Variants in TMEM266 observed in about 807,000 individuals in gnomAD.
TMEM266 encodes the protein Hv1 related protein 1.
A neutral mutation model predicts 50.5 loss-of-function variants in TMEM266; 33 were observed. The ratio of observed to expected loss-of-function variants is 0.65; its 90% confidence interval spans 0.50 to 0.87. The LOEUF (loss-of-function observed/expected upper bound fraction) is 0.87. TMEM266 is among the 40% of genes least tolerant of loss of function. TMEM266 has a pLI of 0.00. For missense variants in TMEM266, 655 were observed against 695.1 expected (o/e 0.94, Z 0.65); for synonymous variants, 310 against 292.3 (o/e 1.06, Z -0.62).
intron 3 of TMEM266, among the ~76,000 whole-genome samples, chr15:76,151,383 T>C (rs1169780803): frequency 6.6e-6 from 1 of 152,188 alleles, no homozygotes; most frequent in Non-Finnish European, 1.5e-5. Context: ...TGAAATTTTA[T>C]TGGCAGCTTG....
chr15:76,070,007 T>G (rs2036512818), intron 1 of TMEM266, among the ~76,000 whole-genome samples: 2 of 152,346 alleles, frequency 1.3e-5, no homozygotes, highest in Admixed American at 6.5e-5. Context: ...ATGCAACGTT[T>G]ATTGCATTTA....
chr15:76,073,931 C>G (rs768647786), intron 1 of TMEM266, among the ~76,000 whole-genome samples: 3 of 151,112 alleles, frequency 2.0e-5, no homozygotes, highest in Non-Finnish European at 4.4e-5. Flanking sequence ...TGAAATTGAC[C>G]ACACTCAATG....
chr15:76,137,847 C>T lies in TMEM266; in HGVS notation c.179C>T (p.Ala60Val), dbSNP rs200729077. Reference sequence around the variant, plus strand: ...CTGGCTGCTGTCGATCTCTCCACGGCGGGCTCGCAGCTCCTGTCAAATCTG... The same window carrying T: ...CTGGCTGCTGTCGATCTCTCCACGGTGGGCTCGCAGCTCCTGTCAAATCTG... The change falls in exon 3 of 11, where the codon GCG (alanine) becomes GTG (valine). Residue 60 changes from alanine to valine, a missense_variant. Around this residue, in one of 3 missense-constraint regions of TMEM266, gnomAD observed 99 missense variants for 110.8 expected, o/e 0.89. Transcript: ENST00000388942. 1,449 of 1,606,370 alleles carry T rather than the reference C, an allele frequency of 9.0e-4. 1 individual carries two copies. The highest frequency in any genetic ancestry group is 1.1e-3 in the Non-Finnish European group (1,327 of 1,176,384).
At chr15:76,112,003 C>G (rs2037178119) in intron 1 of TMEM266, 1 of 152,202 alleles carries the variant, frequency 6.6e-6, no homozygotes, top group Admixed American at 6.5e-5. Flanking sequence ...TTAAATGCCT[C>G]TTTTTCATTT....
At chr15:76,112,310 A>C (rs906556124) in intron 1 of TMEM266, among the ~76,000 whole-genome samples, 1 of 152,240 alleles carries the variant, frequency 6.6e-6, no homozygotes, top group African/African-American at 2.4e-5. Context: ...ATTAATAACA[A>C]TGTATCAATA....
chr15:76,195,131 AC>A (rs1338235982), intron 9 of TMEM266, among the ~76,000 whole-genome samples: 2 of 150,920 alleles, frequency 1.3e-5, no homozygotes, highest in Non-Finnish European at 3.0e-5. Context: ...CATGCTTAGA[AC>A]CCATCTTAGA....
At chr15:76,148,117 C>G (rs1427660743) in intron 3 of TMEM266, among the ~76,000 whole-genome samples, 1 of 152,238 alleles carries the variant, frequency 6.6e-6, no homozygotes, top group Non-Finnish European at 1.5e-5. Context: ...CGCCTCCGAC[C>G]ACCTGGGTCG....
intron 9 of TMEM266, among the ~76,000 whole-genome samples, chr15:76,195,210 C>G (rs759089738): frequency 6.6e-6 from 1 of 152,172 alleles, no homozygotes; most frequent in African/African-American, 2.4e-5. Context: ...GGATCCTGCC[C>G]CACTGCCAGG....
chr15:76,153,884 T>C lies in TMEM266; in HGVS notation c.228-2720T>C, dbSNP rs1191195145. Among the ~76,000 whole-genome samples, 2 of 152,194 alleles carry C rather than the reference T, an allele frequency of 1.3e-5. No homozygotes were observed. The highest frequency in any genetic ancestry group is 2.4e-5 in the African/African-American group (1 of 41,454). On this transcript the variant is annotated intron_variant, in intron 3 of 10. Transcript: ENST00000388942. This position sits in a 1 kb window ranked among gnomAD's most constrained non-coding sequence, Gnocchi z 4.2. The stretch of plus-strand genomic sequence containing the variant: ...GGAAGCGCTGTGCCGCTGGCACTGC[T>C]GCGGGCAGCAGCTTTAGGCTTCTGG...
At chr15:76,172,025 C>T (rs1329504525) in intron 7 of TMEM266, among the ~76,000 whole-genome samples, 1 of 152,138 alleles carries the variant, frequency 6.6e-6, no homozygotes, top group Non-Finnish European at 1.5e-5. Context: ...TGTCCTTGGT[C>T]CCTGAGGACA....
intron 1 of TMEM266, among the ~76,000 whole-genome samples, chr15:76,060,466 T>C (rs2036279326): frequency 6.6e-6 from 1 of 152,118 alleles, no homozygotes; most frequent in African/African-American, 2.4e-5. Context: ...CCCTGAGGAT[T>C]TGTGGCTTGG....
At chr15:76,076,844 G>C (rs2036614108) in intron 1 of TMEM266, among the ~76,000 whole-genome samples, 1 of 152,062 alleles carries the variant, frequency 6.6e-6, no homozygotes, top group Admixed American at 6.5e-5. Flanking sequence ...ATAATAGGCT[G>C]GCCTGAAAAG....
chr15:76,060,181 G>A (rs991525935), intron 1 of TMEM266, among the ~76,000 whole-genome samples, 165 bp downstream of exon 1: 1 of 151,998 alleles, frequency 6.6e-6, no homozygotes, highest in African/African-American at 2.4e-5. Context: ...GGGGGAGCCA[G>A]GCGAGGGTGC....
chr15:76,068,544 T>C (rs2036477854), intron 1 of TMEM266, among the ~76,000 whole-genome samples: 1 of 152,156 alleles, frequency 6.6e-6, no homozygotes, highest in Non-Finnish European at 1.5e-5. Flanking sequence ...ATAGGGTCTT[T>C]AGGAGATAAT....
Position 76,071,990 on chromosome 15 carries a change from C to G in TMEM266, c.-97+11974C>G, listed in dbSNP as rs557079931. 3.9e-5 allele frequency among the ~76,000 whole-genome samples: 6 copies of G among 151,926 alleles called. No individual in the cohort carries two copies. In the East Asian group the frequency reaches 1.2e-3, roughly 29 times the overall value. Reference sequence around the variant, plus strand: ...GTAACCAGAAAGCTATGAAGTCTGTCAAAGTTATCATCAAGGGGCAGGGAA... The same window carrying G: ...GTAACCAGAAAGCTATGAAGTCTGTGAAAGTTATCATCAAGGGGCAGGGAA... On this transcript the variant is annotated intron_variant, in intron 1 of 10. Coordinates refer to ENST00000388942, the MANE Select transcript of TMEM266 (RefSeq NM_152335.3).
At chr15:76,183,926 G>A (rs1019637908) in intron 8 of TMEM266, among the ~76,000 whole-genome samples, 9 of 152,180 alleles carry the variant, frequency 5.9e-5, no homozygotes, top group Non-Finnish European at 2.9e-5. Flanking sequence ...GGTGGTGGGT[G>A]GTCTGATTGG....
At chr15:76,175,751 G>T in intron 8 of TMEM266, 77 bp downstream of exon 8, 1 of 1,187,720 alleles carries the variant, frequency 8.4e-7, no homozygotes, top group Non-Finnish European at 1.2e-6. Flanking sequence ...TGGGTTGCTA[G>T]AGCTGCAGGG....
chr15:76,118,787 C>T (rs1459258143), intron 1 of TMEM266, among the ~76,000 whole-genome samples: 3 of 152,302 alleles, frequency 2.0e-5, no homozygotes, highest in East Asian at 1.9e-4. Context: ...AAGATCCTTC[C>T]GGCATCCCAG....
intron 1 of TMEM266, among the ~76,000 whole-genome samples, chr15:76,080,404 A>C (rs1823224275): frequency 6.8e-6 from 1 of 147,550 alleles, no homozygotes; most frequent in Non-Finnish European, 1.5e-5. Context: ...GGTATGCACC[A>C]CCACGCCTGG....
Sources: allele counts gnomAD v4.1 joint callset (sites outside exome capture counted in the v4.1 genomes callset), GRCh38; gene constraint gnomAD v4.1.1; regional missense constraint gnomAD v4.1.1; non-coding constraint Gnocchi (gnomAD v3.1); transcripts MANE v1.5; gene names NCBI Gene and HGNC (gene_info 2026-07-23, HGNC 2026-07-21).